Variants in SLIT2 observed in about 807,000 individuals in gnomAD.
SLIT2 encodes slit guidance ligand 2.
A neutral mutation model predicts 185.7 loss-of-function variants in SLIT2; 41 were observed. The observed-to-expected ratio is 0.22, with a 90% confidence interval of 0.17 to 0.29. The LOEUF is 0.29. Among genes scored for constraint, SLIT2 ranks in the 10% least tolerant of loss-of-function variants. SLIT2 has a pLI of 1.00. For synonymous variants in SLIT2, 693 were observed against 680.2 expected, an observed-to-expected ratio of 1.02 and a Z score of -0.29; for missense variants, 1,571 against 1,909.0, an observed-to-expected ratio of 0.82 and a Z score of 3.30.
At chr4:20,269,874 C>T (rs1171246032) in intron 4 of SLIT2, among the ~76,000 whole-genome samples, 1 of 151,782 alleles carries the variant, frequency 6.6e-6, no homozygotes, top group Non-Finnish European at 1.5e-5. Flanking sequence ...CAAGAATAGC[C>T]AGGATCTTTG....
intron 4 of SLIT2, among the ~76,000 whole-genome samples, chr4:20,423,970 C>G (rs1450649403): frequency 6.6e-6 from 1 of 152,142 alleles, no homozygotes; most frequent in Non-Finnish European, 1.5e-5. Context: ...TTGGCAATCT[C>G]TCTCTTCATT....
intron 26 of SLIT2, among the ~76,000 whole-genome samples, chr4:20,557,299 T>G (rs1246004576): frequency 6.6e-6 from 1 of 152,084 alleles, no homozygotes. Flanking sequence ...GAGAAGTCAG[T>G]GCCTGGCTTC....
chr4:20,537,767 G>A (rs1722428666), intron 18 of SLIT2, among the ~76,000 whole-genome samples: 1 of 152,042 alleles, frequency 6.6e-6, no homozygotes, highest in South Asian at 2.1e-4. Flanking sequence ...TTGTCTTGGA[G>A]CTATGAAGAT....
chr4:20,511,598 T>TTTTTTATTTTA (rs1560488381), intron 11 of SLIT2, among the ~76,000 whole-genome samples: 1 of 141,674 alleles, frequency 7.1e-6, no homozygotes, highest in Non-Finnish European at 1.5e-5. Flanking sequence ...TTTTTTTTTT[T>TTTTTTATTTTA]TTTTTATTTT....
rs369116489 is a variant in SLIT2, at chr4:20,524,157, G to A, written c.1418G>A (p.Ser473Asn). The A allele has an allele frequency of 6.2e-7, 1 of 1,613,902 alleles. No individual in the cohort carries two copies. Among genetic ancestry groups the A allele is most frequent in the African/African-American group, 1.3e-5 (1 of 74,912 alleles). ...LANKRIGQIKSKKFRCSAKEQ... is the reference protein window; with the variant it reads ...LANKRIGQIKNKKFRCSAKEQ... ...AACAAAAGAATTGGACAGATCAAAAGCAAGAAATTCCGTTGTTCAGGTAAT... is the reference window on the plus strand; with the variant it reads ...AACAAAAGAATTGGACAGATCAAAAACAAGAAATTCCGTTGTTCAGGTAAT... Residue 473 changes from serine to asparagine, a missense_variant, in exon 14 of 37, where the codon AGC becomes AAC. Transcript: ENST00000504154.
intron 29 of SLIT2, among the ~76,000 whole-genome samples, chr4:20,585,697 A>G (rs1726999508): frequency 1.3e-5 from 2 of 152,222 alleles, no homozygotes; most frequent in Non-Finnish European, 2.9e-5. Context: ...GTATAGTCGA[A>G]TAAAGAATAT....
At chr4:20,311,561 A>G (rs763698373) in intron 4 of SLIT2, among the ~76,000 whole-genome samples, 11 of 152,184 alleles carry the variant, frequency 7.2e-5, no homozygotes, top group Non-Finnish European at 1.6e-4. Context: ...ATGTTTACAT[A>G]TGTGACCTTA....
rs1729103773 is a variant in SLIT2 at position 20,610,181 on chromosome 4, C to A, written c.3847+14C>A. 1.2e-6 allele frequency: 2 copies of A among 1,605,106 alleles called. No homozygotes were observed. Among genetic ancestry groups the A allele is most frequent in the South Asian group, 1.1e-5 (1 of 89,256 alleles). On this transcript the variant is annotated intron_variant, in intron 34 of 36. Coordinates refer to ENST00000504154, the MANE Select transcript of SLIT2 (RefSeq NM_004787.4). ...TCTATGTAGGAGGTAAGCTGTCTTCCAAATTCAGGTGGTCCTGAAACCCTG... is the reference window on the plus strand; with the variant it reads ...TCTATGTAGGAGGTAAGCTGTCTTCAAAATTCAGGTGGTCCTGAAACCCTG...
intron 4 of SLIT2, among the ~76,000 whole-genome samples, chr4:20,351,864 A>G (rs1258227091): frequency 6.6e-6 from 1 of 152,174 alleles, no homozygotes; most frequent in Non-Finnish European, 1.5e-5. Context: ...ATAAATGACA[A>G]TGCAGTTTGT....
At chr4:20,534,724 A>C (rs1722116192) in intron 18 of SLIT2, among the ~76,000 whole-genome samples, 1 of 152,122 alleles carries the variant, frequency 6.6e-6, no homozygotes, top group Admixed American at 6.5e-5. Flanking sequence ...ATGTATGACC[A>C]GTGGGCTGAA....
rs776880788 is a variant in SLIT2, at chr4:20,375,882, G to A, written c.396-91870G>A. On this transcript the variant is annotated intron_variant, in intron 4 of 36. Coordinates refer to ENST00000504154, the MANE Select transcript of SLIT2 (RefSeq NM_004787.4). ...ATATCACTGTTCTTCAAATATTGAA[G>A]CATCAGGATCCCTTTATATTCTTAG... 5.3e-5 allele frequency among the ~76,000 whole-genome samples: 8 copies of A among 151,918 alleles called. No individual in the cohort carries two copies. In the South Asian group the frequency reaches 1.7e-3, roughly 31 times the overall value.
chr4:20,355,875 T>C (rs1722279520), intron 4 of SLIT2, among the ~76,000 whole-genome samples: 1 of 152,182 alleles, frequency 6.6e-6, no homozygotes. Context: ...AGCAGTTTAC[T>C]ACTACTACTA....
At chr4:20,505,599 T>A (rs1387517253) in intron 9 of SLIT2, among the ~76,000 whole-genome samples, 1 of 152,062 alleles carries the variant, frequency 6.6e-6, no homozygotes, top group East Asian at 1.9e-4. Flanking sequence ...ACACACTGCA[T>A]GTTGTGTAGT....
intron 33 of SLIT2, among the ~76,000 whole-genome samples, chr4:20,608,014 T>A (rs1728920906): frequency 1.3e-5 from 2 of 152,234 alleles, no homozygotes; most frequent in South Asian, 4.1e-4. Flanking sequence ...TATCTTACAA[T>A]CAATATTTAA....
intron 4 of SLIT2, among the ~76,000 whole-genome samples, chr4:20,380,051 G>A (rs1032362092): frequency 2.0e-5 from 3 of 152,046 alleles, no homozygotes; most frequent in African/African-American, 7.2e-5. Flanking sequence ...TAGGTAAGAC[G>A]AGGGAATTGA....
intron 4 of SLIT2, among the ~76,000 whole-genome samples, chr4:20,378,619 T>G (rs1454079333): frequency 6.6e-6 from 1 of 152,156 alleles, no homozygotes; most frequent in African/African-American, 2.4e-5. Flanking sequence ...ATTTATTTCA[T>G]GAACCATTTG....
At chr4:20,487,962 A>G (rs1577764245) in intron 7 of SLIT2, among the ~76,000 whole-genome samples, 1 of 152,220 alleles carries the variant, frequency 6.6e-6, no homozygotes, top group East Asian at 1.9e-4. Flanking sequence ...TTACTGTGTC[A>G]TAGATGGTTC....
chr4:20,441,490 C>T (rs916924784), intron 4 of SLIT2, among the ~76,000 whole-genome samples: 9 of 148,278 alleles, frequency 6.1e-5, no homozygotes, highest in Non-Finnish European at 1.3e-4. Flanking sequence ...TCCAATCTCT[C>T]TCTCTCTCTC....
At chr4:20,338,644 G>C (rs1267347095) in intron 4 of SLIT2, among the ~76,000 whole-genome samples, 2 of 152,140 alleles carry the variant, frequency 1.3e-5, no homozygotes, top group African/African-American at 4.8e-5. Flanking sequence ...GGAAAATTGG[G>C]CTCATGAGTC....
Sources: allele counts gnomAD v4.1 joint callset (sites outside exome capture counted in the v4.1 genomes callset), GRCh38; gene constraint gnomAD v4.1.1; transcripts MANE v1.5; gene names NCBI Gene and HGNC (gene_info 2026-07-23, HGNC 2026-07-21).